The following ZNF92 variants were observed in gnomAD, a reference collection of about 807,000 sequenced individuals.
ZNF92 encodes the protein zinc finger protein 92.
Under a neutral mutation model 12.4 loss-of-function variants are expected in ZNF92, and 11 were observed. The ratio of observed to expected loss-of-function variants is 0.89; its 90% CI spans 0.56 to 1.47. ZNF92 has a LOEUF of 1.47. Among genes scored for constraint, ZNF92 ranks in the 40% most tolerant of loss-of-function variants. ZNF92 has a pLI of 0.00. For missense variants in ZNF92, 622 were observed against 681.0 expected, an observed-to-expected ratio of 0.91 and a Z score of 0.96; for synonymous variants, 206 against 228.6, an observed-to-expected ratio of 0.90 and a Z score of 0.89.
chr7:65,394,259 A>G (rs1371015335), intron 3 of ZNF92, among the ~76,000 whole-genome samples: 1 of 152,090 alleles, frequency 6.6e-6, no homozygotes, highest in East Asian at 1.9e-4. Flanking sequence ...AAAGGATCAA[A>G]CTTTATAAGT....
intron 3 of ZNF92, among the ~76,000 whole-genome samples, chr7:65,393,653 G>A (rs1396593250): frequency 6.6e-6 from 1 of 151,346 alleles, no homozygotes; most frequent in Non-Finnish European, 1.5e-5. Context: ...TGCATCAACA[G>A]ATTTGGTGCC....
intron 1 of ZNF92, among the ~76,000 whole-genome samples, chr7:65,378,525 G>A (rs1385161501): frequency 4.6e-5 from 7 of 152,020 alleles, no homozygotes; most frequent in African/African-American, 1.2e-4. Flanking sequence ...GGCGGATCAC[G>A]AGGTCAGAAG....
At chr7:65,398,176 C>G (rs956124317) in intron 3 of ZNF92, among the ~76,000 whole-genome samples, 165 bp from the exon 4 acceptor site, 2 of 152,028 alleles carry the variant, frequency 1.3e-5, no homozygotes, top group African/African-American at 2.4e-5. Context: ...GTATTTTGGT[C>G]AGTATATTTT....
Position 65,398,387 on chromosome 7 carries a change from A to G in ZNF92, c.273A>G (p.Ile91Met), listed in dbSNP as rs775023111. 18 of 1,602,920 alleles carry G rather than the reference A, an allele frequency of 1.1e-5. No individual in the cohort carries two copies. Among genetic ancestry groups the G allele is most frequent in the Non-Finnish European group, 1.4e-5 (17 of 1,176,424 alleles). Residue 91 changes from isoleucine to methionine, a missense_variant, in exon 4 of 4, where the codon ATA (isoleucine) becomes ATG (methionine). Transcript: ENST00000328747. ...FAQDVWPEHS[I>M]KDSFQKVILR... ...AAGATGTTTGGCCAGAGCACAGCAT[A>G]AAAGATTCTTTCCAAAAAGTGATAC... is the stretch of plus-strand genomic sequence containing the variant.
rs143833735 is a variant in ZNF92, at chr7:65,376,061, C to T, written c.3+2061C>T. 3.0e-3 allele frequency among the ~76,000 whole-genome samples: 450 copies of T among 151,520 alleles called. 1 individual carries two copies. Among genetic ancestry groups the T allele is most frequent in the African/African-American group, 0.011 (438 of 41,352 alleles). ...CCGAGTAGCTGGAATTACAGGCACG[C>T]ACAACCACACCCGACTAGTGTTTTG... is the stretch of plus-strand genomic sequence containing the variant. On this transcript the variant is annotated intron_variant, in intron 1 of 3. Coordinates refer to ENST00000328747, the MANE Select transcript of ZNF92 (RefSeq NM_152626.4).
intron 1 of ZNF92, among the ~76,000 whole-genome samples, chr7:65,381,296 A>G (rs1562790001): frequency 6.6e-6 from 1 of 151,958 alleles, no homozygotes; most frequent in East Asian, 1.9e-4. Flanking sequence ...TACAGGTGTG[A>G]GGCACCACAC....
chr7:65,388,248 A>G (rs1281448001), intron 2 of ZNF92: 2 of 317,042 alleles, frequency 6.3e-6, no homozygotes, highest in Non-Finnish European at 1.1e-5. Flanking sequence ...TTCACTCTAA[A>G]TTAGTGGTAA....
Position 65,399,264 on chromosome 7 carries a change from C to G in ZNF92, c.1150C>G (p.Leu384Val). The G allele has an allele frequency of 6.2e-7, 1 of 1,611,268 alleles. No homozygotes were observed. The highest frequency in any genetic ancestry group is 1.3e-5 in the African/African-American group (1 of 74,510). ...CAAAGCCTTTAACCAGTCCTCAACC[C>G]TTACTAAACATAAAAGAATTCATAC... ...CGKAFNQSST[L>V]TKHKRIHTGE... is the part of the protein sequence containing the mutation. Residue 384 changes from leucine (L) to valine (V), a missense_variant, in exon 4 of 4, where the codon CTT becomes GTT. Coordinates refer to ENST00000328747, the MANE Select transcript of ZNF92 (RefSeq NM_152626.4).
At position 65,398,125 on chromosome 7, in the gene ZNF92, G is replaced by A. The variant is rs973769858; in HGVS notation, c.227-216G>A. Among the ~76,000 whole-genome samples, 19 of 152,096 alleles carry A rather than the reference G, an allele frequency of 1.2e-4. 1 individual carries two copies. Among genetic ancestry groups the A allele is most frequent in the Admixed American group, 1.2e-3 (18 of 15,268 alleles). ...GCTCTTTGCATTGTTCTCACCTGGG[G>A]CACTGTACACATTTAACTCATTTAT... On this transcript the variant is annotated intron_variant, in intron 3 of 3. Transcript: ENST00000328747.
chr7:65,390,253 C>G (rs577579972), intron 3 of ZNF92, among the ~76,000 whole-genome samples: 5 of 151,786 alleles, frequency 3.3e-5, no homozygotes, highest in African/African-American at 1.2e-4. Flanking sequence ...TTTTACCTAT[C>G]TGTCTTCAAT....
At chr7:65,375,286 G>T (rs1251480034) in intron 1 of ZNF92, among the ~76,000 whole-genome samples, 1 of 152,010 alleles carries the variant, frequency 6.6e-6, no homozygotes, top group Non-Finnish European at 1.5e-5. Context: ...ACTGTCTGGG[G>T]CAAGATACCT....
chr7:65,399,966 T>C lies in ZNF92; in HGVS notation c.*91T>C. On this transcript the variant is annotated 3_prime_UTR_variant, in exon 4 of 4. Coordinates refer to ENST00000328747, the MANE Select transcript of ZNF92 (RefSeq NM_152626.4). ...GAAATGTGAGGAATATGACAAGGAC[T>C]TTAAATGGTTGTCACGCTTGATTGT... The C allele has an allele frequency of 2.6e-6, 3 of 1,146,338 alleles. No individual in the cohort carries two copies. Among genetic ancestry groups the C allele is most frequent in the Non-Finnish European group, 2.4e-6 (2 of 823,180 alleles). 71.0% of individuals were successfully genotyped at this position (1,146,338 alleles called of 1,614,324 possible). A position where few individuals can be genotyped will look rare whatever the true frequency, so the allele number is the denominator to read the frequency against.
Position 65,373,872 on chromosome 7 carries a change from G to A in ZNF92, c.-126G>A, listed in dbSNP as rs768581578. On this transcript the variant is annotated 5_prime_UTR_variant, in exon 1 of 4. Transcript: ENST00000328747. Reference sequence around the variant, plus strand: ...GGGCCTTTGTCTCTCGCTGCAGCCGGCGCTCCACGTCTAGTCTTCACTGCT... The same window carrying A: ...GGGCCTTTGTCTCTCGCTGCAGCCGACGCTCCACGTCTAGTCTTCACTGCT... The A allele has an allele frequency of 3.9e-5, 52 of 1,341,396 alleles. No homozygotes were observed. The highest frequency in any genetic ancestry group is 5.3e-5 in the Non-Finnish European group (50 of 935,760). The allele number at this position is 1,341,396 out of a possible 1,614,324, so 83.1% of individuals were successfully genotyped here. A position where few individuals can be genotyped will look rare whatever the true frequency, so the allele number is the denominator to read the frequency against.
intron 3 of ZNF92, among the ~76,000 whole-genome samples, chr7:65,390,135 A>G (rs1292211029): frequency 6.6e-6 from 1 of 152,136 alleles, no homozygotes; most frequent in Non-Finnish European, 1.5e-5. Flanking sequence ...GTATGGAACC[A>G]TAACTTGTAT....
chr7:65,389,530 T>G (rs1280853941), intron 3 of ZNF92, among the ~76,000 whole-genome samples: 1 of 152,024 alleles, frequency 6.6e-6, no homozygotes. Flanking sequence ...TTCTTTTTGT[T>G]TTTTTGAGAC....
rs528188076 is a variant in ZNF92 at position 65,377,739 on chromosome 7, G to A, written c.3+3739G>A. 2.0e-5 allele frequency among the ~76,000 whole-genome samples: 3 copies of A among 151,918 alleles called. No individual in the cohort carries two copies. The South Asian group carries it at 6.2e-4, about 32-fold the overall frequency. ...GTGCCACCACACCCAGCTAATTTTT[G>A]TATTTTTAGTAGAGACGGGGTTTCA... On this transcript the variant is annotated intron_variant, in intron 1 of 3. Coordinates refer to ENST00000328747, the MANE Select transcript of ZNF92 (RefSeq NM_152626.4).
intron 1 of ZNF92, among the ~76,000 whole-genome samples, chr7:65,378,250 C>A (rs750729255): frequency 6.7e-6 from 1 of 149,872 alleles, no homozygotes; most frequent in Non-Finnish European, 1.5e-5. Flanking sequence ...GTGAACTGAG[C>A]GTTACTGCAC....
chr7:65,391,792 T>C (rs180832270), intron 3 of ZNF92, among the ~76,000 whole-genome samples: 12 of 152,274 alleles, frequency 7.9e-5, no homozygotes, highest in Admixed American at 5.9e-4. Flanking sequence ...GAATCTTCTA[T>C]GTATGGTTAT....
intron 2 of ZNF92, 95 bp downstream of exon 2, chr7:65,388,123 T>A: frequency 1.5e-6 from 2 of 1,362,410 alleles, no homozygotes; most frequent in South Asian, 1.3e-5. Flanking sequence ...TTTGCATAAA[T>A]GAGTTTCAGA....
Sources: allele counts gnomAD v4.1 joint callset (sites outside exome capture counted in the v4.1 genomes callset), GRCh38; gene constraint gnomAD v4.1.1; transcripts MANE v1.5; gene names NCBI Gene and HGNC (gene_info 2026-07-23, HGNC 2026-07-21).